Variants in DAB1 observed in about 807,000 individuals in gnomAD.
DAB1 encodes DAB adaptor protein 1, also known as disabled homolog 1.
Under a neutral mutation model 64.6 loss-of-function variants are expected in DAB1, and 15 were observed. That is an observed-to-expected ratio of 0.23 (90% confidence interval 0.16 to 0.36). DAB1 has a LOEUF of 0.36. Ranked by LOEUF, DAB1 falls within the 10% of genes least tolerant of loss-of-function variation. The pLI is 1.00. For missense variants in DAB1, 596 were observed against 706.7 expected, an observed-to-expected ratio of 0.84 and a Z score of 1.78; for synonymous variants, 235 against 251.9, an observed-to-expected ratio of 0.93 and a Z score of 0.64.
At chr1:57,379,510 A>G (rs975534290) in intron 1 of DAB1, among the ~76,000 whole-genome samples, 2 of 152,184 alleles carry the variant, frequency 1.3e-5, no homozygotes, top group Non-Finnish European at 2.9e-5. Flanking sequence ...GTTAGAATAA[A>G]GGTAAACTGG....
chr1:57,198,691 C>CA (rs1557920338), intron 2 of DAB1, among the ~76,000 whole-genome samples: 85 of 109,850 alleles, frequency 7.7e-4, no homozygotes, highest in African/African-American at 2.4e-3. Flanking sequence ...ACACACACAC[C>CA]CATCAACTTT....
chr1:57,888,500 T>G (rs1644258999), upstream of DAB1, among the ~76,000 whole-genome samples: 1 of 152,208 alleles, frequency 6.6e-6, no homozygotes, highest in Non-Finnish European at 1.5e-5. Flanking sequence ...TGACTTCAGT[T>G]TTACTCCTAG....
intron 5 of DAB1, among the ~76,000 whole-genome samples, chr1:57,963,199 A>C (rs895017648): frequency 2.6e-5 from 4 of 152,172 alleles, no homozygotes; most frequent in African/African-American, 7.2e-5. Flanking sequence ...TAGAGTCTAG[A>C]AGCCAAACAG....
At chr1:57,956,819 C>T (rs1309144629) in intron 5 of DAB1, among the ~76,000 whole-genome samples, 1 of 152,140 alleles carries the variant, frequency 6.6e-6, no homozygotes, top group Non-Finnish European at 1.5e-5. Context: ...AAGAGTTGAG[C>T]AACATGTGGT....
intron 9 of DAB1, among the ~76,000 whole-genome samples, chr1:57,045,178 G>C: frequency 6.6e-6 from 1 of 152,196 alleles, no homozygotes; most frequent in East Asian, 1.9e-4. Context: ...AGACTAGGGT[G>C]AGTGGTTAGG....
chr1:58,300,672 G>T (rs1457829984), intron 4 of DAB1, among the ~76,000 whole-genome samples: 1 of 135,512 alleles, frequency 7.4e-6, no homozygotes, highest in Non-Finnish European at 1.5e-5. Flanking sequence ...AAGGAAGGAA[G>T]GAAGGAAGGA....
chr1:57,440,116 ATTC>A (rs1331754952), intron 7 of DAB1, among the ~76,000 whole-genome samples: 2 of 152,032 alleles, frequency 1.3e-5, no homozygotes, highest in Non-Finnish European at 2.9e-5. Flanking sequence ...ATTTTTTGAA[ATTC>A]TTCTCAACCT....
chr1:57,050,829 A>G (rs1649112308), intron 9 of DAB1, among the ~76,000 whole-genome samples: 1 of 152,224 alleles, frequency 6.6e-6, no homozygotes, highest in African/African-American at 2.4e-5. Context: ...TTGGTAGGGC[A>G]CAGGTTTTTA....
intron 6 of DAB1, among the ~76,000 whole-genome samples, chr1:57,727,481 G>A (rs566963730): frequency 2.6e-5 from 4 of 152,110 alleles, no homozygotes; most frequent in Non-Finnish European, 5.9e-5. Flanking sequence ...TCTGTAATCC[G>A]CTGCAATCAC....
intron 6 of DAB1, among the ~76,000 whole-genome samples, chr1:57,692,156 C>T (rs551941280): frequency 6.6e-6 from 1 of 152,196 alleles, no homozygotes; most frequent in Non-Finnish European, 1.5e-5. Flanking sequence ...GAGACTCGCC[C>T]ATCTATCCTT....
At chr1:57,165,719 T>C (rs1331997442) in intron 2 of DAB1, among the ~76,000 whole-genome samples, 1 of 152,236 alleles carries the variant, frequency 6.6e-6, no homozygotes, top group African/African-American at 2.4e-5. Flanking sequence ...AGAGTTCACA[T>C]AGCCAATAAG....
chr1:57,363,831 C>T (rs941249070), intron 1 of DAB1, among the ~76,000 whole-genome samples: 10 of 152,180 alleles, frequency 6.6e-5, no homozygotes, highest in African/African-American at 2.4e-4. Context: ...TGTGGCTCAG[C>T]TGTTCCACTG....
intron 7 of DAB1, among the ~76,000 whole-genome samples, chr1:57,442,628 A>T (rs1685997358): frequency 1.3e-5 from 2 of 152,152 alleles, no homozygotes. Context: ...TTTCAAGGTT[A>T]TTCCTATGAA....
chr1:58,249,676 G>C (rs1226434606), intron 4 of DAB1, among the ~76,000 whole-genome samples: 1 of 152,136 alleles, frequency 6.6e-6, no homozygotes, highest in Non-Finnish European at 1.5e-5. Flanking sequence ...CAGCCAGCCA[G>C]AGTCCAGTCG....
At chr1:57,343,904 G>T (rs550948869) in intron 1 of DAB1, among the ~76,000 whole-genome samples, 2 of 152,222 alleles carry the variant, frequency 1.3e-5, no homozygotes, top group African/African-American at 4.8e-5. Context: ...CAGAGTGGGC[G>T]CCAAGGCCAA....
chr1:57,103,353 C>T (rs889927123), intron 4 of DAB1, among the ~76,000 whole-genome samples: 2 of 152,136 alleles, frequency 1.3e-5, no homozygotes, highest in African/African-American at 4.8e-5. Flanking sequence ...CAGACTTAGG[C>T]CCAGATCTCC....
At chr1:57,456,972 A>C (rs111233210) in intron 7 of DAB1, among the ~76,000 whole-genome samples, 3,007 of 152,302 alleles carry the variant, frequency 0.02, 99 homozygotes, top group African/African-American at 0.069. Context: ...AACCCCCAGA[A>C]TGAAAAAGAC....
intron 7 of DAB1, among the ~76,000 whole-genome samples, chr1:57,533,166 A>T (rs902194733): frequency 6.6e-6 from 1 of 152,060 alleles, no homozygotes; most frequent in African/African-American, 2.4e-5. Flanking sequence ...TCACCATACC[A>T]CCTGCCTCCC....
chr1:57,189,518 T>C (rs1663925565), intron 2 of DAB1, among the ~76,000 whole-genome samples: 1 of 152,106 alleles, frequency 6.6e-6, no homozygotes, highest in Non-Finnish European at 1.5e-5. Context: ...CTGGAGCAAA[T>C]GGTTTTGCAG....
Sources: allele counts gnomAD v4.1 joint callset (sites outside exome capture counted in the v4.1 genomes callset), GRCh38; gene constraint gnomAD v4.1.1; transcripts MANE v1.5; gene names NCBI Gene and HGNC (gene_info 2026-07-23, HGNC 2026-07-21).